The following CHCHD6 variants were observed in gnomAD, a reference collection of about 807,000 sequenced individuals.
The protein encoded by CHCHD6 is MICOS complex subunit MIC25.
In CHCHD6, 28 loss-of-function variants were observed where a neutral mutation model predicts 32.3. That is an observed-to-expected ratio of 0.87 (90% CI 0.64 to 1.19). The LOEUF (loss-of-function observed/expected upper bound fraction) is 1.19, where lower values mean the gene tolerates loss of function less well. Ranked by LOEUF, CHCHD6 falls within the 50% of genes most tolerant of loss-of-function variation. CHCHD6 has a pLI of 0.00. For missense variants in CHCHD6, 333 were observed against 307.0 expected (o/e 1.08, Z -0.63); for synonymous variants, 122 against 117.5 (o/e 1.04, Z -0.25).
chr3:126,845,881 G>C (rs1318629944), intron 4 of CHCHD6, among the ~76,000 whole-genome samples: 1 of 152,086 alleles, frequency 6.6e-6, no homozygotes, highest in African/African-American at 2.4e-5. Context: ...GAAAAAACTG[G>C]CAAAACTAGT....
chr3:126,914,658 A>G, intron 5 of CHCHD6, 22 bp from the exon 6 acceptor site: 2 of 1,421,582 alleles, frequency 1.4e-6, no homozygotes, highest in Non-Finnish European at 2.0e-6. Context: ...TTTGGTAACC[A>G]ATTCTGTTTT....
intron 5 of CHCHD6, among the ~76,000 whole-genome samples, chr3:126,883,408 G>A (rs539952099): frequency 2.2e-4 from 34 of 152,264 alleles, no homozygotes; most frequent in African/African-American, 5.5e-4. Context: ...AGATGGTGTC[G>A]CAATAGAATT....
chr3:126,873,060 G>A (rs1217790328), intron 5 of CHCHD6, among the ~76,000 whole-genome samples: 4 of 152,314 alleles, frequency 2.6e-5, no homozygotes, highest in South Asian at 4.1e-4. Context: ...ACGGCTGGTC[G>A]TAAATATCCA....
chr3:126,810,011 A>G (rs960882006), intron 4 of CHCHD6, among the ~76,000 whole-genome samples: 1 of 152,334 alleles, frequency 6.6e-6, no homozygotes, highest in East Asian at 1.9e-4. Context: ...TTAAAATAAT[A>G]TACATTTTCC....
At chr3:126,789,937 T>C (rs545367616) in intron 4 of CHCHD6, among the ~76,000 whole-genome samples, 3 of 152,238 alleles carry the variant, frequency 2.0e-5, no homozygotes, top group Non-Finnish European at 4.4e-5. Context: ...CTTTACAATT[T>C]GGCATGTTTT....
intron 5 of CHCHD6, among the ~76,000 whole-genome samples, chr3:126,880,089 T>C (rs115232110): frequency 0.012 from 1,811 of 152,260 alleles, 19 homozygotes; most frequent in Middle Eastern, 0.048. Context: ...TCAGCTCTGC[T>C]CTCTGGTTAG....
intron 5 of CHCHD6, among the ~76,000 whole-genome samples, chr3:126,857,981 A>T (rs1174835040): frequency 6.6e-6 from 1 of 150,722 alleles, no homozygotes; most frequent in Non-Finnish European, 1.5e-5. Context: ...CCCCAGGTTC[A>T]CCAGAAGAGA....
chr3:126,890,929 G>A (rs1456377141), intron 5 of CHCHD6, among the ~76,000 whole-genome samples: 1 of 152,166 alleles, frequency 6.6e-6, no homozygotes, highest in Non-Finnish European at 1.5e-5. Flanking sequence ...GAAGCTACAT[G>A]GTCCTGAATT....
intron 1 of CHCHD6, among the ~76,000 whole-genome samples, chr3:126,722,453 A>G (rs1003504516): frequency 1.3e-5 from 2 of 152,196 alleles, no homozygotes; most frequent in African/African-American, 4.8e-5. Flanking sequence ...GCGAGCCACT[A>G]TGGCTGACCC....
rs1477729750 is a variant in CHCHD6, at chr3:126,908,533, A to G, written c.496-6147A>G. Among the ~76,000 whole-genome samples, 3 of 152,208 alleles carry G rather than the reference A, an allele frequency of 2.0e-5. No homozygotes were observed. The East Asian group carries it at 5.8e-4, about 29-fold the overall frequency. ...TGTAGTGGTTCTGACCCCTATTTCC[A>G]TTTACTCAACTTTACATTGAGGGCC... On this transcript the variant is annotated intron_variant, in intron 5 of 7. Coordinates refer to ENST00000290913, the MANE Select transcript of CHCHD6 (RefSeq NM_032343.3).
intron 5 of CHCHD6, among the ~76,000 whole-genome samples, chr3:126,894,421 C>T (rs774326063): frequency 6.6e-6 from 1 of 152,194 alleles, no homozygotes; most frequent in African/African-American, 2.4e-5. Context: ...AGACAAAGGA[C>T]AGACATTAAA....
intron 1 of CHCHD6, among the ~76,000 whole-genome samples, chr3:126,713,918 A>G (rs1934880663): frequency 6.6e-6 from 1 of 151,798 alleles, no homozygotes; most frequent in South Asian, 2.1e-4. Flanking sequence ...TCTACTAAAA[A>G]TACAAAAAGT....
intron 5 of CHCHD6, among the ~76,000 whole-genome samples, chr3:126,914,115 G>T (rs547456478): frequency 6.6e-6 from 1 of 152,220 alleles, no homozygotes; most frequent in Admixed American, 6.5e-5. Context: ...GTGTTTCCCA[G>T]ACTGGGAATC....
chr3:126,936,798 G>T (rs1373572513), intron 6 of CHCHD6, among the ~76,000 whole-genome samples: 1 of 152,128 alleles, frequency 6.6e-6, no homozygotes, highest in Admixed American at 6.5e-5. Context: ...CAAACAATCT[G>T]CCCACCTCAG....
At chr3:126,934,434 G>A (rs1022696764) in intron 6 of CHCHD6, among the ~76,000 whole-genome samples, 12 of 151,630 alleles carry the variant, frequency 7.9e-5, no homozygotes, top group Admixed American at 5.3e-4. Context: ...GACAGACAGT[G>A]CTGCAGTGTT....
chr3:126,912,714 C>T (rs2078108799), intron 5 of CHCHD6, among the ~76,000 whole-genome samples: 1 of 152,232 alleles, frequency 6.6e-6, no homozygotes. Context: ...GGTTCTTCCT[C>T]ATCACATGAG....
chr3:126,884,936 A>G (rs6771824), intron 5 of CHCHD6, among the ~76,000 whole-genome samples: 36,130 of 152,102 alleles, frequency 0.24, 5,064 homozygotes, highest in African/African-American at 0.36. Flanking sequence ...GTGCCGGTGG[A>G]GGTTCCTGGG....
chr3:126,934,703 C>A (rs2078453893), intron 6 of CHCHD6, among the ~76,000 whole-genome samples: 1 of 152,084 alleles, frequency 6.6e-6, no homozygotes, highest in Non-Finnish European at 1.5e-5. Context: ...CGCCTGCCAC[C>A]ATGCCTGGCT....
At chr3:126,765,971 G>A (rs1043762751) in intron 4 of CHCHD6, among the ~76,000 whole-genome samples, 1 of 152,194 alleles carries the variant, frequency 6.6e-6, no homozygotes, top group African/African-American at 2.4e-5. Flanking sequence ...GGTTTTGGAT[G>A]GAAGCAGGCC....
Sources: allele counts gnomAD v4.1 joint callset (sites outside exome capture counted in the v4.1 genomes callset), GRCh38; gene constraint gnomAD v4.1.1; transcripts MANE v1.5; gene names NCBI Gene and HGNC (gene_info 2026-07-23, HGNC 2026-07-21).